CUBN: variants seen among roughly 807,000 people sequenced by gnomAD.
CUBN encodes the protein 460 kDa receptor.
A neutral mutation model predicts 405.3 loss-of-function variants in CUBN; 282 were observed. The ratio of observed to expected loss-of-function variants is 0.70; its 90% CI spans 0.63 to 0.77. CUBN has a LOEUF of 0.77. Ranked by LOEUF, CUBN falls within the 30% of genes least tolerant of loss-of-function variation. The pLI, the probability that CUBN is intolerant of heterozygous loss-of-function variation, is 0.00. For missense variants in CUBN, 4,514 were observed against 4,475.2 expected (o/e 1.01, Z -0.25); for synonymous variants, 1,684 against 1,617.0 (o/e 1.04, Z -0.99).
chr10:17,002,034 C>A (rs1833903750), intron 28 of CUBN, among the ~76,000 whole-genome samples: 1 of 152,162 alleles, frequency 6.6e-6, no homozygotes. Context: ...TCCTCTGTTC[C>A]TCTGAGTACA....
rs113707603 is a variant in CUBN at position 17,107,184 on chromosome 10, A to T, written c.1112-1609T>A. ...CATCCAGCATCTTGACAGTTTTCTT[A>T]CGCAATGTTAGGTTAAAAATACTCG... On this transcript the variant is annotated intron_variant, in intron 10 of 66. Transcript: ENST00000377833. Among the ~76,000 whole-genome samples the T allele has an allele frequency of 2.8e-3, 421 of 152,338 alleles. 3 individuals carry two copies. Among genetic ancestry groups the T allele is most frequent in the African/African-American group, 9.7e-3 (403 of 41,580 alleles).
rs774274775 is a variant in CUBN, at chr10:17,065,606, G to C, written c.3041C>G (p.Thr1014Arg). ...YCGKSIPPSLTSSGNSLMLVF... is the reference protein window; with the variant it reads ...YCGKSIPPSLRSSGNSLMLVF... ...CAGCATCAATGAGTTACCACTGCTTGTGAGAGATGGCGGGATCGACTTTCC... is the reference window on the plus strand; with the variant it reads ...CAGCATCAATGAGTTACCACTGCTTCTGAGAGATGGCGGGATCGACTTTCC... Residue 1014 changes from threonine to arginine, a missense_variant, in exon 22 of 67, where the codon ACA (threonine) becomes AGA (arginine). By Grantham distance (71) the Thr-to-Arg change is moderately conservative. Transcript: ENST00000377833. The C allele has an allele frequency of 9.9e-6, 16 of 1,613,516 alleles. No homozygotes were observed. In the African/African-American group the frequency reaches 1.6e-4, roughly 16 times the overall value.
intron 60 of CUBN, among the ~76,000 whole-genome samples, chr10:16,842,748 C>T (rs1053342687): frequency 2.0e-5 from 3 of 152,214 alleles, no homozygotes; most frequent in Non-Finnish European, 4.4e-5. Context: ...CCCCATTGCA[C>T]CTAAAGTAAA....
intron 22 of CUBN, among the ~76,000 whole-genome samples, chr10:17,048,540 G>A (rs1835190607): frequency 6.6e-6 from 1 of 151,684 alleles, no homozygotes; most frequent in Non-Finnish European, 1.5e-5. Flanking sequence ...TGGAGTGGCG[G>A]GATCTTGGCT....
At chr10:17,028,083 G>T (rs1021133435) in intron 27 of CUBN, among the ~76,000 whole-genome samples, 10 of 152,032 alleles carry the variant, frequency 6.6e-5, no homozygotes, top group Non-Finnish European at 1.5e-4. Flanking sequence ...CACTGATGGA[G>T]CAAGGGCTCC....
intron 22 of CUBN, among the ~76,000 whole-genome samples, chr10:17,053,487 C>T (rs1835319142): frequency 6.6e-6 from 1 of 151,884 alleles, no homozygotes; most frequent in African/African-American, 2.4e-5. Context: ...TATAGAAAGA[C>T]ATTTCATAAT....
chr10:16,910,247 C>A (rs1841688393), intron 48 of CUBN, among the ~76,000 whole-genome samples: 3 of 151,748 alleles, frequency 2.0e-5, no homozygotes, highest in African/African-American at 7.3e-5. Flanking sequence ...CTCTTCTCCT[C>A]CTCCTTCTCC....
chr10:17,057,712 A>G (rs1221028956), intron 22 of CUBN, among the ~76,000 whole-genome samples: 2 of 152,150 alleles, frequency 1.3e-5, no homozygotes, highest in Non-Finnish European at 2.9e-5. Context: ...ATCTAACAAC[A>G]GGTGAACAGA....
intron 54 of CUBN, 97 bp from the exon 55 acceptor site, chr10:16,890,624 G>A: frequency 1.7e-6 from 2 of 1,165,610 alleles, no homozygotes; most frequent in Non-Finnish European, 2.6e-6. Flanking sequence ...CACGTATACA[G>A]AACTAAGCAT....
At chr10:17,060,943 G>C (rs1835492342) in intron 22 of CUBN, among the ~76,000 whole-genome samples, 1 of 152,228 alleles carries the variant, frequency 6.6e-6, no homozygotes, top group East Asian at 1.9e-4. Context: ...CAGCTACTTG[G>C]GAGGCTGAGG....
At chr10:17,047,730 C>A in intron 22 of CUBN, 127 bp from the exon 23 acceptor site, 2 of 812,572 alleles carry the variant, frequency 2.5e-6, no homozygotes, top group South Asian at 1.7e-5. Flanking sequence ...CTGGAATGTG[C>A]AAATAAAGAC....
chr10:16,904,102 C>T lies in CUBN; in HGVS notation c.7926G>A (p.Gly2642=), dbSNP rs956458777. ...GACCACAAAGTCTCCACATCAGGGG[C>T]CCATCAGCATCACCTGAACAAAATA... is the stretch of plus-strand genomic sequence containing the variant. The part of the protein sequence containing the change: ...VLEFRVGDAD[G]PLMWRLCGPS... The change falls in exon 51 of 67, where the codon GGG becomes GGA. Residue 2642 remains glycine (G), a synonymous_variant. Transcript: ENST00000377833. The T allele has an allele frequency of 1.2e-6, 2 of 1,613,680 alleles. No homozygotes were observed. The highest frequency in any genetic ancestry group is 3.3e-5 in the Admixed American group (2 of 59,998).
chr10:17,024,118 T>C (rs565415978), intron 27 of CUBN, among the ~76,000 whole-genome samples: 1 of 152,258 alleles, frequency 6.6e-6, no homozygotes, highest in South Asian at 2.1e-4. Flanking sequence ...ACAATACCAT[T>C]AGTGAATTCA....
chr10:16,825,679 G>GA (rs1233182231), intron 66 of CUBN, among the ~76,000 whole-genome samples: 1 of 147,542 alleles, frequency 6.8e-6, no homozygotes, highest in African/African-American at 2.5e-5. Context: ...GTGTGTTGGG[G>GA]GGATACATGG....
At chr10:16,929,490 C>T (rs1264068757) in intron 40 of CUBN, among the ~76,000 whole-genome samples, 2 of 152,098 alleles carry the variant, frequency 1.3e-5, no homozygotes, top group African/African-American at 2.4e-5. Context: ...TTTATACAAC[C>T]AGCCACATGG....
chr10:16,900,979 C>A (rs945790229), intron 52 of CUBN, 129 bp from the exon 53 acceptor site: 1 of 753,994 alleles, frequency 1.3e-6, no homozygotes, highest in Non-Finnish European at 2.2e-6. Flanking sequence ...TTTAATTCTC[C>A]CTTCCCCTCT....
chr10:16,998,487 C>T (rs1312614334), intron 28 of CUBN, among the ~76,000 whole-genome samples: 1 of 152,156 alleles, frequency 6.6e-6, no homozygotes, highest in Non-Finnish European at 1.5e-5. Context: ...CCTGCCAACA[C>T]CTTGACTTTG....
chr10:16,976,494 GTTATTA>G (rs201570565), intron 31 of CUBN, among the ~76,000 whole-genome samples: 1 of 125,118 alleles, frequency 8.0e-6, no homozygotes, highest in South Asian at 2.4e-4. Context: ...CTTTATCTTT[GTTATTA>G]TTATTTTTTT....
chr10:17,046,698 G>C (rs373354436), intron 23 of CUBN, among the ~76,000 whole-genome samples: 1 of 151,472 alleles, frequency 6.6e-6, no homozygotes. Flanking sequence ...AGCACGATAG[G>C]GTCCAATTAT....
Sources: allele counts gnomAD v4.1 joint callset (sites outside exome capture counted in the v4.1 genomes callset), GRCh38; gene constraint gnomAD v4.1.1; transcripts MANE v1.5; gene names NCBI Gene and HGNC (gene_info 2026-07-23, HGNC 2026-07-21).